Variants in KCNH7 observed in about 807,000 individuals in gnomAD.
KCNH7 encodes the protein potassium voltage-gated channel subfamily H member 7, also known as voltage-gated inwardly rectifying potassium channel KCNH7.
A neutral mutation model predicts 120.8 loss-of-function variants in KCNH7; 49 were observed. The ratio of observed to expected loss-of-function variants is 0.41; its 90% CI spans 0.32 to 0.51. KCNH7 has a LOEUF of 0.51. KCNH7 is among the 20% of genes least tolerant of loss of function. The probability of loss-of-function intolerance (pLI) is 0.38; values close to 1 mark genes in which losing one functional copy is unlikely to be tolerated. For synonymous variants in KCNH7, 547 were observed against 516.1 expected, an observed-to-expected ratio of 1.06 and a Z score of -0.81; for missense variants, 1,097 against 1,446.6, an observed-to-expected ratio of 0.76 and a Z score of 3.92.
chr2:162,734,729 A>C (rs1422216878), intron 2 of KCNH7, among the ~76,000 whole-genome samples: 1 of 152,128 alleles, frequency 6.6e-6, no homozygotes, highest in Non-Finnish European at 1.5e-5. Context: ...CATGGCTTTA[A>C]ATATTAAAAG....
chr2:162,834,408 T>C (rs952402672), intron 2 of KCNH7, among the ~76,000 whole-genome samples: 4 of 152,030 alleles, frequency 2.6e-5, no homozygotes, highest in African/African-American at 9.7e-5. Context: ...TAAAGCAAAA[T>C]AGGTAGATTT....
intron 9 of KCNH7, among the ~76,000 whole-genome samples, chr2:162,414,568 G>T (rs1437437582): frequency 6.6e-6 from 1 of 151,696 alleles, no homozygotes; most frequent in Non-Finnish European, 1.5e-5. Context: ...AACATGGACT[G>T]CACATAATTA....
intron 8 of KCNH7, among the ~76,000 whole-genome samples, chr2:162,429,381 G>GTTTTTTTTTTTTTTTTTTTTTT (rs1158431426): frequency 9.2e-5 from 4 of 43,414 alleles, no homozygotes; most frequent in African/African-American, 4.3e-4. Context: ...TGAGGAAAAA[G>GTTTTTTTTTTTTTTTTTTTTTT]TCTTTTTTTT....
chr2:162,814,505 A>C (rs1684849776), intron 2 of KCNH7, among the ~76,000 whole-genome samples: 1 of 152,206 alleles, frequency 6.6e-6, no homozygotes, highest in African/African-American at 2.4e-5. Flanking sequence ...TGGAACAAAG[A>C]CTTGTTATCT....
At chr2:162,599,065 G>A (rs556006252) in intron 2 of KCNH7, among the ~76,000 whole-genome samples, 114 of 152,086 alleles carry the variant, frequency 7.5e-4, no homozygotes, top group African/African-American at 2.7e-3. Context: ...AGACCAGCCT[G>A]GCCAACATGG....
chr2:162,541,682 C>T lies in KCNH7; in HGVS notation c.308-4602G>A, dbSNP rs139185875. Among the ~76,000 whole-genome samples the T allele has an allele frequency of 2.4e-3, 372 of 152,128 alleles. 2 individuals carry two copies. Among genetic ancestry groups the T allele is most frequent in the Middle Eastern group, 0.01 (3 of 294 alleles). On this transcript the variant is annotated intron_variant, in intron 2 of 15. Transcript: ENST00000332142. ...TGTGGGGGAACAACACATACTGAGG[C>T]CTGTAAGAGGCGGGGGATCGGGGAA...
intron 2 of KCNH7, among the ~76,000 whole-genome samples, chr2:162,557,576 A>T (rs1319576563): frequency 1.3e-5 from 2 of 152,322 alleles, no homozygotes; most frequent in East Asian, 3.9e-4. Flanking sequence ...CAGCTGATTA[A>T]AAAGCAACTT....
intron 9 of KCNH7, among the ~76,000 whole-genome samples, chr2:162,402,576 C>A (rs921912624): frequency 6.6e-6 from 1 of 151,424 alleles, no homozygotes; most frequent in Non-Finnish European, 1.5e-5. Flanking sequence ...ATGTATAAAG[C>A]ATTACACCAA....
intron 6 of KCNH7, chr2:162,496,892 A>G (rs1467262555): frequency 2.0e-5 from 3 of 152,168 alleles, no homozygotes; most frequent in Non-Finnish European, 2.9e-5. Context: ...AATTTATCCA[A>G]TTTGAAGGAA....
chr2:162,535,781 TTTATTGTATATATAA>T (rs1451947550), intron 3 of KCNH7, among the ~76,000 whole-genome samples: 27 of 151,838 alleles, frequency 1.8e-4, no homozygotes, highest in Non-Finnish European at 3.5e-4. Context: ...ATATTAGTTA[TTTATTGTATATATAA>T]ACTGTATGAT....
At chr2:162,677,509 G>A (rs1559077283) in intron 2 of KCNH7, among the ~76,000 whole-genome samples, 1 of 151,496 alleles carries the variant, frequency 6.6e-6, no homozygotes, top group East Asian at 1.9e-4. Flanking sequence ...CCACTGCATG[G>A]AGTTGTAGTT....
chr2:162,379,348 G>A (rs1414832839), intron 14 of KCNH7, among the ~76,000 whole-genome samples: 2 of 152,202 alleles, frequency 1.3e-5, no homozygotes, highest in Admixed American at 6.5e-5. Context: ...ATCATGTTAA[G>A]TGGTTTAGAT....
intron 2 of KCNH7, among the ~76,000 whole-genome samples, chr2:162,701,516 C>T (rs1686498196): frequency 6.6e-6 from 1 of 151,942 alleles, no homozygotes; most frequent in South Asian, 2.1e-4. Flanking sequence ...TCCAAGTGTA[C>T]AAAAATAATG....
intron 12 of KCNH7, among the ~76,000 whole-genome samples, chr2:162,385,633 G>A (rs1558919411): frequency 6.6e-6 from 1 of 151,872 alleles, no homozygotes; most frequent in Non-Finnish European, 1.5e-5. Flanking sequence ...TATTTCAGCA[G>A]GAAAAACTCA....
chr2:162,669,356 A>T (rs755498785), intron 2 of KCNH7, among the ~76,000 whole-genome samples: 3 of 152,200 alleles, frequency 2.0e-5, no homozygotes, highest in Non-Finnish European at 2.9e-5. Flanking sequence ...AAGTTAAATA[A>T]GACATATTAG....
At chr2:162,712,401 T>C (rs1264728435) in intron 2 of KCNH7, among the ~76,000 whole-genome samples, 1 of 152,092 alleles carries the variant, frequency 6.6e-6, no homozygotes, top group Non-Finnish European at 1.5e-5. Context: ...ACTGGCAGAG[T>C]GCTCTCCAAG....
chr2:162,483,539 T>A (rs1271714372), intron 6 of KCNH7, among the ~76,000 whole-genome samples: 2 of 140,760 alleles, frequency 1.4e-5, no homozygotes, highest in Admixed American at 1.9e-4. Context: ...GTATTCTTTG[T>A]TTTTTTTTTT....
At chr2:162,519,804 C>A (rs927139495) in intron 3 of KCNH7, among the ~76,000 whole-genome samples, 6 of 151,708 alleles carry the variant, frequency 4.0e-5, no homozygotes, top group Non-Finnish European at 8.8e-5. Context: ...ATATTAACTA[C>A]CTTCTTATAT....
At chr2:162,729,162 A>ATTTTT (rs1412794660) in intron 2 of KCNH7, among the ~76,000 whole-genome samples, 52 of 119,868 alleles carry the variant, frequency 4.3e-4, no homozygotes, top group African/African-American at 1.5e-3. Flanking sequence ...ATATACCCAA[A>ATTTTT]TTTTTTTTTT....
Sources: gnomAD v4.1 joint callset for allele counts (sites outside exome capture counted in the v4.1 genomes callset) on GRCh38, gnomAD v4.1.1 for gene constraint, MANE v1.5 for transcripts, NCBI Gene and HGNC (gene_info 2026-07-23, HGNC 2026-07-21) for gene names.